PXDNL: variants seen among roughly 807,000 people sequenced by gnomAD.
PXDNL encodes the protein probable oxidoreductase PXDNL.
In PXDNL, 145 loss-of-function variants were observed where a neutral mutation model predicts 150.8. The ratio of observed to expected loss-of-function variants is 0.96; its 90% CI spans 0.84 to 1.10. The LOEUF is 1.10. PXDNL is among the 50% of genes least tolerant of loss of function. The pLI is 0.00. For synonymous variants in PXDNL, 757 were observed against 725.7 expected, an observed-to-expected ratio of 1.04 and a Z score of -0.69; for missense variants, 2,087 against 1,873.9, an observed-to-expected ratio of 1.11 and a Z score of -2.10.
intron 19 of PXDNL, among the ~76,000 whole-genome samples, chr8:51,360,140 C>T (rs79588774): frequency 0.012 from 1,824 of 152,000 alleles, 44 homozygotes; most frequent in African/African-American, 0.041. Flanking sequence ...ATGTGTATCC[C>T]AGACACGTAT....
chr8:51,374,479 TTCA>T (rs1807235356), intron 18 of PXDNL, 115 bp downstream of exon 18: 3 of 927,606 alleles, frequency 3.2e-6, no homozygotes, highest in South Asian at 3.9e-5. Context: ...CTATCTGATA[TTCA>T]TTATACTCAA....
intron 12 of PXDNL, among the ~76,000 whole-genome samples, chr8:51,442,888 G>T: frequency 6.6e-6 from 1 of 151,710 alleles, no homozygotes; most frequent in African/African-American, 2.4e-5. Context: ...ATACCTTATG[G>T]CATTAATTAT....
intron 19 of PXDNL, among the ~76,000 whole-genome samples, chr8:51,363,337 C>T (rs112927719): frequency 0.027 from 4,106 of 151,812 alleles, 169 homozygotes; most frequent in African/African-American, 0.095. Context: ...AGACAAAACC[C>T]CTCAGACACT....
At chr8:51,694,320 G>C (rs1357397339) in intron 1 of PXDNL, among the ~76,000 whole-genome samples, 1 of 152,104 alleles carries the variant, frequency 6.6e-6, no homozygotes, top group Non-Finnish European at 1.5e-5. Flanking sequence ...CCAAGATGGT[G>C]CTACTGCCCT....
At chr8:51,727,471 A>C (rs528265857) in intron 1 of PXDNL, among the ~76,000 whole-genome samples, 1 of 152,330 alleles carries the variant, frequency 6.6e-6, no homozygotes, top group African/African-American at 2.4e-5. Flanking sequence ...GGTGTTTACA[A>C]TTGTCTACTG....
chr8:51,751,570 C>T (rs1419723034), intron 1 of PXDNL, among the ~76,000 whole-genome samples: 2 of 152,080 alleles, frequency 1.3e-5, no homozygotes, highest in African/African-American at 4.8e-5. Context: ...ACCATAGATT[C>T]GAAAGGTCTC....
intron 19 of PXDNL, among the ~76,000 whole-genome samples, chr8:51,350,354 C>CTTTTTTTTTTTTTTTTTTTTT (rs1163628780): frequency 1.3e-5 from 1 of 77,894 alleles, no homozygotes; most frequent in African/African-American, 5.2e-5. Context: ...AATGCAGCTT[C>CTTTTTTTTTTTTTTTTTTTTT]TTTTTTTTTT....
chr8:51,414,926 T>A (rs1390777093), intron 14 of PXDNL, among the ~76,000 whole-genome samples: 4 of 152,208 alleles, frequency 2.6e-5, no homozygotes, highest in African/African-American at 9.6e-5. Context: ...TTTATGCTTA[T>A]TCTAGCAAAA....
intron 11 of PXDNL, among the ~76,000 whole-genome samples, 175 bp from the exon 12 acceptor site, chr8:51,447,337 G>A (rs879499884): frequency 6.6e-5 from 10 of 151,996 alleles, no homozygotes; most frequent in Non-Finnish European, 1.0e-4. Flanking sequence ...CCCCCATGCC[G>A]CTTGTCCCCG....
chr8:51,765,472 A>C (rs1351198712), intron 1 of PXDNL, among the ~76,000 whole-genome samples: 1 of 152,174 alleles, frequency 6.6e-6, no homozygotes, highest in Non-Finnish European at 1.5e-5. Context: ...TATCAGCAGC[A>C]TGAAAACTGA....
intron 5 of PXDNL, among the ~76,000 whole-genome samples, chr8:51,489,006 AACT>A (rs1417267413): frequency 6.6e-6 from 1 of 152,232 alleles, no homozygotes; most frequent in Non-Finnish European, 1.5e-5. Flanking sequence ...TTAGGAATTA[AACT>A]CTGATTAAAA....
intron 17 of PXDNL, among the ~76,000 whole-genome samples, chr8:51,405,169 C>A (rs1055625923): frequency 7.2e-5 from 11 of 152,150 alleles, no homozygotes; most frequent in African/African-American, 2.7e-4. Context: ...CCTTCCACAC[C>A]TCCTGGCAAG....
chr8:51,718,694 A>G (rs1219795715), intron 1 of PXDNL, among the ~76,000 whole-genome samples: 1 of 152,178 alleles, frequency 6.6e-6, no homozygotes, highest in East Asian at 1.9e-4. Context: ...TCAAAGATGG[A>G]CACATCTGCT....
intron 17 of PXDNL, among the ~76,000 whole-genome samples, chr8:51,378,175 G>A (rs992895756): frequency 6.6e-6 from 1 of 152,110 alleles, no homozygotes; most frequent in Non-Finnish European, 1.5e-5. Flanking sequence ...AGCACTCTGT[G>A]TCTAGCTCAA....
intron 1 of PXDNL, among the ~76,000 whole-genome samples, chr8:51,727,157 TATA>T (rs1228756589): frequency 6.6e-6 from 1 of 152,212 alleles, no homozygotes; most frequent in African/African-American, 2.4e-5. Context: ...AACAAGTATT[TATA>T]ATAAGTGCAG....
intron 1 of PXDNL, among the ~76,000 whole-genome samples, chr8:51,744,119 A>G (rs13261736): frequency 0.48 from 16,618 of 34,518 alleles, 5,399 homozygotes; most frequent in East Asian, 0.58. Context: ...AGAAAGAAAG[A>G]AAGGAAGAAA....
chr8:51,323,969 A>G (rs1439851303), intron 21 of PXDNL, among the ~76,000 whole-genome samples: 1 of 151,926 alleles, frequency 6.6e-6, no homozygotes, highest in Admixed American at 6.6e-5. Context: ...AGAATCTTGT[A>G]CGGGTCATTA....
At chr8:51,662,894 A>T (rs938602482) in intron 1 of PXDNL, among the ~76,000 whole-genome samples, 1 of 152,242 alleles carries the variant, frequency 6.6e-6, no homozygotes, top group Admixed American at 6.5e-5. Context: ...TTTCATCAAC[A>T]TCCCAGTTTT....
At chr8:51,543,766 A>G (rs1386578801) in intron 4 of PXDNL, among the ~76,000 whole-genome samples, 1 of 151,868 alleles carries the variant, frequency 6.6e-6, no homozygotes, top group Non-Finnish European at 1.5e-5. Context: ...AAAGTGGATT[A>G]TAACACTTCT....
Sources: gnomAD v4.1 joint callset for allele counts (sites outside exome capture counted in the v4.1 genomes callset) on GRCh38, gnomAD v4.1.1 for gene constraint, MANE v1.5 for transcripts, NCBI Gene and HGNC (gene_info 2026-07-23, HGNC 2026-07-21) for gene names.